Variants in CELF4 observed in about 807,000 individuals in gnomAD.
CELF4 encodes the protein CUGBP Elav-like family member 4, also known as CUG-BP- and ETR-3-like factor 4.
A neutral mutation model predicts 59.9 loss-of-function variants in CELF4; 18 were observed. The observed-to-expected ratio is 0.30, with a 90% CI of 0.21 to 0.45. The LOEUF (loss-of-function observed/expected upper bound fraction) is 0.45, where lower values mean the gene tolerates loss of function less well. Ranked by LOEUF, CELF4 falls within the 20% of genes least tolerant of loss-of-function variation. The probability of loss-of-function intolerance (pLI) is 1.00; values close to 1 mark genes in which losing one functional copy is unlikely to be tolerated. For missense variants in CELF4, 456 were observed against 689.0 expected, an observed-to-expected ratio of 0.66 and a Z score of 3.79; for synonymous variants, 261 against 267.1, an observed-to-expected ratio of 0.98 and a Z score of 0.22.
chr18:37,512,931 A>G (rs2099946228), intron 1 of CELF4, among the ~76,000 whole-genome samples: 1 of 151,970 alleles, frequency 6.6e-6, no homozygotes, highest in African/African-American at 2.4e-5. Flanking sequence ...TGCAGGTGTC[A>G]TTGGCCTTCA....
At chr18:37,382,996 A>C (rs1170930817) in intron 2 of CELF4, among the ~76,000 whole-genome samples, 5 of 150,236 alleles carry the variant, frequency 3.3e-5, no homozygotes, top group Non-Finnish European at 7.4e-5. Context: ...TATATACATA[A>C]CAATATTATG....
chr18:37,367,846 G>A (rs947692420), intron 2 of CELF4, among the ~76,000 whole-genome samples: 4 of 152,120 alleles, frequency 2.6e-5, no homozygotes, highest in Admixed American at 6.5e-5. Flanking sequence ...CTCTCCTAAC[G>A]CTGCTGCGTT....
At chr18:37,266,362 G>GTAT in intron 9 of CELF4, 171 bp downstream of exon 9, 4 of 690,158 alleles carry the variant, frequency 5.8e-6, no homozygotes, top group East Asian at 2.8e-5. Context: ...TCGGTGGCCC[G>GTAT]CTGACAAGAA....
At chr18:37,415,771 T>C (rs1307045082) in intron 2 of CELF4, among the ~76,000 whole-genome samples, 3 of 152,166 alleles carry the variant, frequency 2.0e-5, no homozygotes, top group Non-Finnish European at 4.4e-5. Flanking sequence ...CTAGCAGTAG[T>C]TGGAGATGAG....
chr18:37,452,078 G>A (rs1263727018), intron 2 of CELF4, among the ~76,000 whole-genome samples: 1 of 152,188 alleles, frequency 6.6e-6, no homozygotes, highest in Non-Finnish European at 1.5e-5. Context: ...CAGGAGGCAG[G>A]GACAGTGGGA....
At chr18:37,419,827 T>C (rs1398260569) in intron 2 of CELF4, among the ~76,000 whole-genome samples, 3 of 152,214 alleles carry the variant, frequency 2.0e-5, no homozygotes, top group Non-Finnish European at 2.9e-5. Context: ...TAACAGCCCA[T>C]CTGCTCCTCA....
intron 2 of CELF4, among the ~76,000 whole-genome samples, chr18:37,429,508 C>T (rs756414315): frequency 5.9e-5 from 9 of 152,146 alleles, no homozygotes; most frequent in South Asian, 2.1e-4. Context: ...TGTTTGCATA[C>T]ATTCTGTGTA....
At chr18:37,351,611 CTTTT>C (rs35650061) in intron 2 of CELF4, among the ~76,000 whole-genome samples, 27 of 121,898 alleles carry the variant, frequency 2.2e-4, no homozygotes, top group Admixed American at 5.1e-4. Flanking sequence ...TCTTCTTCTT[CTTTT>C]TTTTTTTTTT....
chr18:37,376,873 G>A (rs1010877983), intron 2 of CELF4, among the ~76,000 whole-genome samples: 3 of 152,174 alleles, frequency 2.0e-5, no homozygotes, highest in Admixed American at 2.0e-4. Flanking sequence ...TGCTCAATTT[G>A]AAAGCAGAGC....
At chr18:37,393,797 A>G (rs562318364) in intron 2 of CELF4, among the ~76,000 whole-genome samples, 2 of 151,212 alleles carry the variant, frequency 1.3e-5, no homozygotes, top group South Asian at 4.2e-4. Flanking sequence ...GGTGCGGAGC[A>G]CACTTGACAG....
At chr18:37,444,295 C>A (rs537936042) in intron 2 of CELF4, among the ~76,000 whole-genome samples, 1 of 152,032 alleles carries the variant, frequency 6.6e-6, no homozygotes, top group Non-Finnish European at 1.5e-5. Flanking sequence ...GCATCCCCGT[C>A]CTGGACTGCA....
chr18:37,243,491 AGT>A lies in CELF4; in HGVS notation c.*1749_*1750del, dbSNP rs1287708714. 3 of 152,210 alleles carry A rather than the reference AGT, an allele frequency of 2.0e-5. No homozygotes were observed. The highest frequency in any genetic ancestry group is 2.4e-5 in the African/African-American group (1 of 41,456). 9.4% of individuals were successfully genotyped at this position (152,210 alleles called of 1,614,324 possible). A position where few individuals can be genotyped will look rare whatever the true frequency, so the allele number is the denominator to read the frequency against. On this transcript the variant is annotated 3_prime_UTR_variant, in exon 13 of 13. Transcript: ENST00000420428. Reference sequence around the variant, plus strand: ...AAATATATGTGTTCTTAAATAATTCAGTGTTTTTTCTGATTCTGAGTTTTTTA... The same window carrying A: ...AAATATATGTGTTCTTAAATAATTCAGTTTTTTCTGATTCTGAGTTTTTTA...
At chr18:37,509,168 T>TC (rs906966327) in intron 1 of CELF4, among the ~76,000 whole-genome samples, 3 of 151,734 alleles carry the variant, frequency 2.0e-5, no homozygotes, top group Non-Finnish European at 2.9e-5. Flanking sequence ...TCACTTTATA[T>TC]CCCCCCCTCC....
At chr18:37,378,902 G>A (rs1023480674) in intron 2 of CELF4, among the ~76,000 whole-genome samples, 1 of 152,188 alleles carries the variant, frequency 6.6e-6, no homozygotes, top group African/African-American at 2.4e-5. Context: ...CAGCATCCCT[G>A]AGCATCTAAT....
chr18:37,380,369 ACTC>A (rs2099022639), intron 2 of CELF4, among the ~76,000 whole-genome samples: 1 of 149,502 alleles, frequency 6.7e-6, no homozygotes, highest in Non-Finnish European at 1.5e-5. Flanking sequence ...TCTCCCAACT[ACTC>A]CTCCCAAACC....
At chr18:37,535,496 C>T (rs773783892) in intron 1 of CELF4, among the ~76,000 whole-genome samples, 2 of 152,124 alleles carry the variant, frequency 1.3e-5, no homozygotes, top group Non-Finnish European at 1.5e-5. Flanking sequence ...AATTCAGGAG[C>T]CACCTTTATC....
At chr18:37,265,637 A>G (rs181401700) in intron 9 of CELF4, among the ~76,000 whole-genome samples, 1 of 152,290 alleles carries the variant, frequency 6.6e-6, no homozygotes, top group Admixed American at 6.5e-5. Flanking sequence ...CTGAGGTAGG[A>G]CAGGAGTGGC....
At chr18:37,488,447 G>A (rs1031157079) in intron 1 of CELF4, among the ~76,000 whole-genome samples, 2 of 152,174 alleles carry the variant, frequency 1.3e-5, no homozygotes, top group African/African-American at 4.8e-5. Flanking sequence ...AGCTAATTTG[G>A]TGGGGCCAAT....
At chr18:37,381,373 C>A (rs1383798863) in intron 2 of CELF4, among the ~76,000 whole-genome samples, 2 of 152,100 alleles carry the variant, frequency 1.3e-5, no homozygotes, top group Non-Finnish European at 2.9e-5. Context: ...AGGAGGCCCT[C>A]ATGTTCTGTT....
Sources: gnomAD v4.1 joint callset for allele counts (sites outside exome capture counted in the v4.1 genomes callset) on GRCh38, gnomAD v4.1.1 for gene constraint, MANE v1.5 for transcripts, NCBI Gene and HGNC (gene_info 2026-07-23, HGNC 2026-07-21) for gene names.